The following ASTN2 variants were observed in gnomAD, a reference collection of about 807,000 sequenced individuals.
ASTN2 encodes the protein astrotactin 2, also known as astrotactin-2.
Under a neutral mutation model 139.8 loss-of-function variants are expected in ASTN2, and 54 were observed. That is an observed-to-expected ratio of 0.39 (90% CI 0.31 to 0.48). The LOEUF is 0.48. Among genes scored for constraint, ASTN2 ranks in the 20% least tolerant of loss-of-function variants. The probability of loss-of-function intolerance (pLI) is 0.95; values close to 1 mark genes in which losing one functional copy is unlikely to be tolerated. For missense variants in ASTN2, 1,565 were observed against 1,725.1 expected, an observed-to-expected ratio of 0.91 and a Z score of 1.64; for synonymous variants, 756 against 719.5, an observed-to-expected ratio of 1.05 and a Z score of -0.81.
At chr9:116,528,798 T>C (rs557120917) in intron 19 of ASTN2, among the ~76,000 whole-genome samples, 2 of 152,226 alleles carry the variant, frequency 1.3e-5, no homozygotes, top group Admixed American at 6.5e-5. Context: ...GGCCAAGGTA[T>C]AGCTTAGGCT....
chr9:116,963,522 G>A (rs1436386894), intron 10 of ASTN2, among the ~76,000 whole-genome samples: 1 of 152,162 alleles, frequency 6.6e-6, no homozygotes, highest in East Asian at 1.9e-4. Context: ...TGGCCCAATT[G>A]GTACAGCGGT....
intron 1 of ASTN2, among the ~76,000 whole-genome samples, chr9:117,328,934 T>C (rs569050373): frequency 4.6e-5 from 7 of 152,118 alleles, no homozygotes; most frequent in Non-Finnish European, 1.5e-5. Context: ...GAAAGGAAGA[T>C]GAATTAAGGT....
chr9:117,370,123 C>T (rs1829950764), intron 1 of ASTN2, among the ~76,000 whole-genome samples: 1 of 152,118 alleles, frequency 6.6e-6, no homozygotes, highest in Admixed American at 6.6e-5. Flanking sequence ...GTGAAGGCTC[C>T]TCCTTTGAGG....
chr9:117,133,613 T>C (rs1235306481), intron 4 of ASTN2, among the ~76,000 whole-genome samples: 7 of 152,168 alleles, frequency 4.6e-5, no homozygotes, highest in Non-Finnish European at 1.0e-4. Context: ...TAGATATAGT[T>C]GTGCACTTGA....
intron 19 of ASTN2, among the ~76,000 whole-genome samples, chr9:116,519,901 C>A (rs919182804): frequency 6.6e-6 from 1 of 151,838 alleles, no homozygotes; most frequent in African/African-American, 2.4e-5. Context: ...AACTAGAAAA[C>A]CTAGAGGAGA....
At chr9:117,263,581 C>T (rs1389475994) in intron 2 of ASTN2, among the ~76,000 whole-genome samples, 4 of 152,200 alleles carry the variant, frequency 2.6e-5, no homozygotes, top group Admixed American at 2.6e-4. Flanking sequence ...TGAGGCCACA[C>T]AGGACAATTT....
chr9:116,808,299 G>GTC (rs1037797093), intron 12 of ASTN2, among the ~76,000 whole-genome samples: 29 of 150,596 alleles, frequency 1.9e-4, no homozygotes, highest in African/African-American at 7.0e-4. Flanking sequence ...GTGTGTGTGT[G>GTC]TGTGTGTGTT....
intron 4 of ASTN2, among the ~76,000 whole-genome samples, chr9:117,106,618 A>T (rs1313040099): frequency 6.6e-6 from 1 of 152,214 alleles, no homozygotes; most frequent in Non-Finnish European, 1.5e-5. Context: ...TAAGAAAGGC[A>T]CAAAGAAGAA....
rs542097847 is a variant in ASTN2 at position 117,084,990 on chromosome 9, C to T, written c.1276+11054G>A. 1.1e-4 allele frequency among the ~76,000 whole-genome samples: 16 copies of T among 152,300 alleles called. No individual in the cohort carries two copies. The East Asian group carries it at 1.5e-3, about 15-fold the overall frequency. The stretch of plus-strand genomic sequence containing the variant: ...CTTCCCACACAGCCTAGGACACCTG[C>T]CTTGATCTAGGTCCTAGAACTCACG... On this transcript the variant is annotated intron_variant, in intron 5 of 22. Coordinates refer to ENST00000313400, the MANE Select transcript of ASTN2 (RefSeq NM_001365068.1).
At chr9:116,624,620 C>G (rs544876504) in intron 17 of ASTN2, among the ~76,000 whole-genome samples, 2 of 152,286 alleles carry the variant, frequency 1.3e-5, no homozygotes, top group Non-Finnish European at 2.9e-5. Flanking sequence ...TCACTAAGCC[C>G]ATGAATTAAA....
intron 1 of ASTN2, among the ~76,000 whole-genome samples, chr9:117,339,336 T>G (rs1828989234): frequency 6.6e-6 from 1 of 152,070 alleles, no homozygotes; most frequent in South Asian, 2.1e-4. Flanking sequence ...GAGCTGAGAT[T>G]TGAAGGGTAC....
chr9:117,355,942 A>C (rs1252435768), intron 1 of ASTN2, among the ~76,000 whole-genome samples: 1 of 152,174 alleles, frequency 6.6e-6, no homozygotes, highest in Non-Finnish European at 1.5e-5. Context: ...AGAGAAGGGG[A>C]GCAGCCTACA....
At chr9:116,840,233 T>C (rs1248388264) in intron 11 of ASTN2, among the ~76,000 whole-genome samples, 2 of 149,598 alleles carry the variant, frequency 1.3e-5, no homozygotes, top group Non-Finnish European at 3.0e-5. Context: ...CAGAACAATT[T>C]TTCTTAGTAC....
At position 116,874,952 on chromosome 9, in the gene ASTN2, G is replaced by A. The variant is rs577064664; in HGVS notation, c.1890-11219C>T. 1.7e-3 allele frequency among the ~76,000 whole-genome samples: 260 copies of A among 152,160 alleles called. 1 individual carries two copies. Among genetic ancestry groups the A allele is most frequent in the Non-Finnish European group, 2.9e-3 (194 of 68,026 alleles). On this transcript the variant is annotated intron_variant, in intron 10 of 22. Transcript: ENST00000313400. ...TTATGGTTTGGGGAGCCCTCATTGCGCTCATATAAAGCGGCCAACTTACTT... is the reference window on the plus strand; with the variant it reads ...TTATGGTTTGGGGAGCCCTCATTGCACTCATATAAAGCGGCCAACTTACTT...
rs978735676 is a variant in ASTN2 at position 117,348,521 on chromosome 9, G to A, written c.443-57008C>T. ...TTTAGGAAATGTTGAGATAAGCAAA[G>A]AGAAATGGATCTATTTACTGTAAAG... On this transcript the variant is annotated intron_variant, in intron 1 of 22. Coordinates refer to ENST00000313400, the MANE Select transcript of ASTN2 (RefSeq NM_001365068.1). Among the ~76,000 whole-genome samples, 29 of 152,174 alleles carry A rather than the reference G, an allele frequency of 1.9e-4. 1 individual carries two copies. Among genetic ancestry groups the A allele is most frequent in the African/African-American group, 6.8e-4 (28 of 41,460 alleles).
intron 2 of ASTN2, among the ~76,000 whole-genome samples, chr9:117,288,477 A>G (rs1159248154): frequency 6.6e-6 from 1 of 152,202 alleles, no homozygotes; most frequent in Non-Finnish European, 1.5e-5. Flanking sequence ...ATCTTCACCA[A>G]AGATGAAAAC....
chr9:116,830,302 G>GA, intron 11 of ASTN2, among the ~76,000 whole-genome samples: 1 of 152,282 alleles, frequency 6.6e-6, no homozygotes, highest in South Asian at 2.1e-4. Context: ...ACACCAGTCA[G>GA]AATGGCTACT....
chr9:116,546,862 T>C (rs1253574240), intron 19 of ASTN2, among the ~76,000 whole-genome samples: 1 of 152,108 alleles, frequency 6.6e-6, no homozygotes, highest in African/African-American at 2.4e-5. Flanking sequence ...GGTCATGCAA[T>C]CAATACATTG....
intron 13 of ASTN2, among the ~76,000 whole-genome samples, chr9:116,770,352 T>C (rs528482762): frequency 6.6e-6 from 1 of 152,178 alleles, no homozygotes; most frequent in Admixed American, 6.5e-5. Flanking sequence ...CTCACCTACA[T>C]CTTCTACAGG....
Sources: allele counts gnomAD v4.1 joint callset (sites outside exome capture counted in the v4.1 genomes callset), GRCh38; gene constraint gnomAD v4.1.1; transcripts MANE v1.5; gene names NCBI Gene and HGNC (gene_info 2026-07-23, HGNC 2026-07-21).